Variants in ZNF462 observed in about 807,000 individuals in gnomAD.
ZNF462 encodes zinc finger PBX1-interacting protein.
ZNF462 carries 10 observed loss-of-function variants against 201.9 expected under a neutral mutation model. The observed-to-expected ratio is 0.05, with a 90% confidence interval of 0.03 to 0.08. ZNF462 has a LOEUF of 0.08. Ranked by LOEUF, ZNF462 falls within the 10% of genes least tolerant of loss-of-function variation. The probability of loss-of-function intolerance (pLI) is 1.00; values close to 1 mark genes in which losing one functional copy is unlikely to be tolerated. For missense variants in ZNF462, 2,523 were observed against 3,168.3 expected, an observed-to-expected ratio of 0.80 and a Z score of 4.89; for synonymous variants, 1,227 against 1,193.3, an observed-to-expected ratio of 1.03 and a Z score of -0.58.
chr9:106,888,029 C>A (rs1164907446), intron 1 of ZNF462, among the ~76,000 whole-genome samples: 1 of 150,438 alleles, frequency 6.6e-6, no homozygotes, highest in African/African-American at 2.5e-5. Flanking sequence ...GATAGCTGTT[C>A]TGTAAATGTG....
rs1829804537 is a variant in ZNF462 at position 106,917,091 on chromosome 9, A to T, written c.-30-6263A>T. On this transcript the variant is annotated intron_variant, in intron 1 of 12. Coordinates refer to ENST00000277225, the MANE Select transcript of ZNF462 (RefSeq NM_021224.6). This position sits in a 1 kb window ranked among gnomAD's most constrained non-coding sequence, Gnocchi z 4.5. ...TTATATCATTGCAAAGGAATGCATGAATTCTCCAGAAGGTATGTAGTATCT... is the reference window on the plus strand; with the variant it reads ...TTATATCATTGCAAAGGAATGCATGTATTCTCCAGAAGGTATGTAGTATCT... 6.6e-6 allele frequency among the ~76,000 whole-genome samples: 1 copy of T among 152,262 alleles called. No homozygotes were observed. Among genetic ancestry groups the T allele is most frequent in the African/African-American group, 2.4e-5 (1 of 41,472 alleles).
chr9:107,001,277 T>C (rs1324023991), intron 10 of ZNF462, among the ~76,000 whole-genome samples: 1 of 152,216 alleles, frequency 6.6e-6, no homozygotes. Flanking sequence ...GAATGCTATT[T>C]GGCTAAAATG....
chr9:107,004,063 G>A (rs1473638875), intron 11 of ZNF462, among the ~76,000 whole-genome samples: 1 of 152,130 alleles, frequency 6.6e-6, no homozygotes, highest in African/African-American at 2.4e-5. Context: ...ATTTCAAAAT[G>A]AAAAAGTTTT....
intron 7 of ZNF462, 26 bp from the exon 8 acceptor site, chr9:106,971,979 G>A (rs759006941): frequency 2.8e-5 from 44 of 1,598,588 alleles, no homozygotes; most frequent in Admixed American, 1.7e-4. Context: ...TCTGTGCCCC[G>A]TGTCATTTTT....
intron 1 of ZNF462, among the ~76,000 whole-genome samples, chr9:106,879,704 C>T (rs1828008293): frequency 6.6e-6 from 1 of 152,072 alleles, no homozygotes; most frequent in Non-Finnish European, 1.5e-5. Context: ...AGAATGGTTC[C>T]AGTGATTCTG....
rs1386181522 is a variant in ZNF462, at chr9:106,927,666, C to T, written c.3754C>T (p.Pro1252Ser). 1 of 1,613,946 alleles carries T rather than the reference C, an allele frequency of 6.2e-7. No individual in the cohort carries two copies. Among genetic ancestry groups the T allele is most frequent in the East Asian group, 2.2e-5 (1 of 44,872 alleles). Residue 1252 changes from proline (P) to serine (S), a missense_variant, in exon 3 of 13, where the codon CCC becomes TCC. Pro to Ser is a moderately conservative substitution (Grantham distance 74, BLOSUM62 -1). Transcript: ENST00000277225. ...GCCTGCCAGCTGCGTGCTTGTCTCC[C>T]CCTCTAATCTGGAGCGGGACAAAAC... ...KKPASCVLVSPSNLERDKTKL... is the reference protein window; with the variant it reads ...KKPASCVLVSSSNLERDKTKL...
chr9:106,985,471 A>T (rs1468546079), intron 10 of ZNF462, among the ~76,000 whole-genome samples: 1 of 152,164 alleles, frequency 6.6e-6, no homozygotes, highest in Non-Finnish European at 1.5e-5. Context: ...CTCACTCTGC[A>T]CAGGGCTCAT....
rs1829710776 is a variant in ZNF462 at position 107,008,385 on chromosome 9, A to C, written c.7190-1160A>C. Among the ~76,000 whole-genome samples the C allele has an allele frequency of 6.6e-6, 1 of 152,196 alleles. No homozygotes were observed. Among genetic ancestry groups the C allele is most frequent in the Non-Finnish European group, 1.5e-5 (1 of 68,028 alleles). ...CACATAGCTGTTTGTGCTGAAGATT[A>C]AGGCATCACAGAGCCCCCCATCCTG... On this transcript the variant is annotated intron_variant, in intron 11 of 12. Transcript: ENST00000277225. The surrounding 1 kb of genome is among the most constrained non-coding windows in gnomAD (Gnocchi z 4.8).
At chr9:106,997,443 G>A (rs2132530730) in intron 10 of ZNF462, among the ~76,000 whole-genome samples, 1 of 152,236 alleles carries the variant, frequency 6.6e-6, no homozygotes, top group Non-Finnish European at 1.5e-5. Context: ...ATCCATTGAT[G>A]GATGAATTTT....
rs191303298 is a variant in ZNF462, at chr9:106,928,565, C to T, written c.4653C>T (p.Asp1551=). Residue 1551 remains aspartate (D), a synonymous_variant, in exon 3 of 13, where the codon GAC becomes GAT. Coordinates refer to ENST00000277225, the MANE Select transcript of ZNF462 (RefSeq NM_021224.6). This position sits in a 1 kb window ranked among gnomAD's most constrained non-coding sequence, Gnocchi z 9.3. ...TGACCGCTGAGGACTTTGTGCACGA[C>T]GTAGAGCAGTCTGCTGACATATCCC... The part of the protein sequence containing the change: ...IKVTAEDFVH[D]VEQSADISQN... 48 of 1,614,056 alleles carry T rather than the reference C, an allele frequency of 3.0e-5. No individual in the cohort carries two copies. Among genetic ancestry groups the T allele is most frequent in the East Asian group, 4.5e-5 (2 of 44,872 alleles).
chr9:106,922,512 A>AGTCAT (rs1243805587), intron 1 of ZNF462, among the ~76,000 whole-genome samples: 3 of 152,214 alleles, frequency 2.0e-5, no homozygotes, highest in Non-Finnish European at 2.9e-5. Flanking sequence ...AAAAAGGTAA[A>AGTCAT]GTCATGACTT....
intron 1 of ZNF462, among the ~76,000 whole-genome samples, chr9:106,896,929 C>T (rs1828837376): frequency 6.6e-6 from 1 of 152,186 alleles, no homozygotes; most frequent in South Asian, 2.1e-4. Flanking sequence ...CCAAAGTGAT[C>T]ACACACCCAC....
chr9:106,958,079 T>C (rs886088177), intron 7 of ZNF462, among the ~76,000 whole-genome samples: 1 of 152,116 alleles, frequency 6.6e-6, no homozygotes, highest in Non-Finnish European at 1.5e-5. Flanking sequence ...GAAAAGATGG[T>C]GTTTTCTACT....
chr9:106,945,892 T>C (rs1831084004), intron 7 of ZNF462, among the ~76,000 whole-genome samples: 1 of 152,174 alleles, frequency 6.6e-6, no homozygotes, highest in Non-Finnish European at 1.5e-5. Flanking sequence ...AGAGCAACCC[T>C]CCAATATTAT....
intron 1 of ZNF462, among the ~76,000 whole-genome samples, chr9:106,898,365 G>A (rs1247345104): frequency 6.6e-6 from 1 of 152,146 alleles, no homozygotes; most frequent in Non-Finnish European, 1.5e-5. Context: ...GCCAGGAAAG[G>A]CCTTCTAGAG....
chr9:106,998,307 G>T (rs1369280823), intron 10 of ZNF462, among the ~76,000 whole-genome samples: 2 of 152,092 alleles, frequency 1.3e-5, no homozygotes, highest in Non-Finnish European at 2.9e-5. Flanking sequence ...GAAGACAAGG[G>T]TTCCAGTTCC....
rs1017484887 is a variant in ZNF462, at chr9:106,920,355, C to T, written c.-30-2999C>T. ...CTCTTTGATTGGGCCATGCCAGCAA[C>T]TTCTATTTTCTTCTTCTGTCAGCGT... On this transcript the variant is annotated intron_variant, in intron 1 of 12. Coordinates refer to ENST00000277225, the MANE Select transcript of ZNF462 (RefSeq NM_021224.6). This position sits in a 1 kb window ranked among gnomAD's most constrained non-coding sequence, Gnocchi z 4.3. Among the ~76,000 whole-genome samples, 3 of 152,154 alleles carry T rather than the reference C, an allele frequency of 2.0e-5. No homozygotes were observed. The highest frequency in any genetic ancestry group is 4.4e-5 in the Non-Finnish European group (3 of 68,024).
rs1449771323 is a variant in ZNF462, at chr9:106,966,791, C to A, written c.6428-5214C>A. ...TCTAAAATTTGCTTGCCTAAAATTC[C>A]TTGTCTTTTATTTTTTCTTGGTACT... On this transcript the variant is annotated intron_variant, in intron 7 of 12. Transcript: ENST00000277225. The surrounding 1 kb of genome is among the most constrained non-coding windows in gnomAD (Gnocchi z 4.4). Among the ~76,000 whole-genome samples the A allele has an allele frequency of 6.6e-6, 1 of 152,092 alleles. No homozygotes were observed. Among genetic ancestry groups the A allele is most frequent in the African/African-American group, 2.4e-5 (1 of 41,430 alleles).
In ZNF462 at chr9:106,913,135, A is replaced by T. The variant is rs1365436424; in HGVS notation, c.-30-10219A>T. ...GGCAGCTTCTCCATGGATGATGAGGAAAAGGAGGATGGTCATTTACTTAAA... is the reference window on the plus strand; with the variant it reads ...GGCAGCTTCTCCATGGATGATGAGGTAAAGGAGGATGGTCATTTACTTAAA... On this transcript the variant is annotated intron_variant, in intron 1 of 12. Transcript: ENST00000277225. This position sits in a 1 kb window ranked among gnomAD's most constrained non-coding sequence, Gnocchi z 4.1. Among the ~76,000 whole-genome samples, 1 of 152,220 alleles carries T rather than the reference A, an allele frequency of 6.6e-6. No homozygotes were observed. The highest frequency in any genetic ancestry group is 1.5e-5 in the Non-Finnish European group (1 of 68,040).
Sources: allele counts gnomAD v4.1 joint callset (sites outside exome capture counted in the v4.1 genomes callset), GRCh38; gene constraint gnomAD v4.1.1; non-coding constraint Gnocchi (gnomAD v3.1); transcripts MANE v1.5; gene names NCBI Gene and HGNC (gene_info 2026-07-23, HGNC 2026-07-21).